PRICKLE1: variants seen among roughly 807,000 people sequenced by gnomAD.
PRICKLE1 encodes prickle planar cell polarity protein 1.
PRICKLE1 carries 14 observed loss-of-function variants against 70.2 expected under a neutral mutation model. The observed-to-expected ratio is 0.20, with a 90% CI of 0.13 to 0.31. The LOEUF (loss-of-function observed/expected upper bound fraction) is 0.31. PRICKLE1 is among the 10% of genes least tolerant of loss of function. The pLI, the probability that PRICKLE1 is intolerant of heterozygous loss-of-function variation, is 1.00. For missense variants in PRICKLE1, 821 were observed against 1,026.2 expected (o/e 0.80, Z 2.73); for synonymous variants, 357 against 379.9 (o/e 0.94, Z 0.70).
At chr12:42,467,424 AT>A (rs79405166) in intron 5 of PRICKLE1, among the ~76,000 whole-genome samples, 67,963 of 151,682 alleles carry the variant, frequency 0.45, 15,275 homozygotes, top group Admixed American at 0.46. Flanking sequence ...AGGTTCTTTC[AT>A]TTTTTTTATA....
intron 1 of PRICKLE1, among the ~76,000 whole-genome samples, chr12:42,523,247 G>A (rs371482693): frequency 2.6e-5 from 4 of 152,308 alleles, no homozygotes; most frequent in Admixed American, 6.5e-5. Context: ...GATTACAGGC[G>A]TAAGCCACCG....
chr12:42,541,308 T>G (rs932349784), intron 1 of PRICKLE1, among the ~76,000 whole-genome samples: 1 of 152,078 alleles, frequency 6.6e-6, no homozygotes. Context: ...TGTTGTTTCC[T>G]ATGCAAAAAT....
At chr12:42,585,268 C>T (rs879455523) in intron 1 of PRICKLE1, among the ~76,000 whole-genome samples, 2 of 152,156 alleles carry the variant, frequency 1.3e-5, no homozygotes, top group Non-Finnish European at 2.9e-5. Context: ...GCCTGGCTGA[C>T]ATTTTTACTT....
intron 1 of PRICKLE1, among the ~76,000 whole-genome samples, chr12:42,576,172 T>C (rs932982033): frequency 2.6e-5 from 4 of 152,232 alleles, no homozygotes; most frequent in African/African-American, 9.6e-5. Context: ...AAGCTTAACA[T>C]TAAATGGTTA....
intron 1 of PRICKLE1, among the ~76,000 whole-genome samples, chr12:42,540,974 A>G (rs1940101868): frequency 6.6e-6 from 1 of 152,192 alleles, no homozygotes; most frequent in African/African-American, 2.4e-5. Flanking sequence ...TTATGGGTAG[A>G]ATAGAGAGGT....
intron 1 of PRICKLE1, among the ~76,000 whole-genome samples, chr12:42,566,389 G>A (rs1940621206): frequency 6.6e-6 from 1 of 152,194 alleles, no homozygotes; most frequent in African/African-American, 2.4e-5. Flanking sequence ...GGTGGAGAGG[G>A]TTTGAGGATG....
At chr12:42,470,056 T>G in intron 3 of PRICKLE1, 190 bp downstream of exon 3, 3 of 587,720 alleles carry the variant, frequency 5.1e-6, no homozygotes, top group Admixed American at 2.9e-5. Flanking sequence ...GTGTTAAGTT[T>G]ATTACACTGA....
At chr12:42,578,757 T>TTATTTATTTATG (rs1198562167) in intron 1 of PRICKLE1, among the ~76,000 whole-genome samples, 36 of 151,448 alleles carry the variant, frequency 2.4e-4, no homozygotes, top group Non-Finnish European at 5.0e-4. Context: ...ATTTATTTAT[T>TTATTTATTTATG]TATTTATTTA....
chr12:42,464,354 G>T lies in PRICKLE1; in HGVS notation c.1639+41C>A. On this transcript the variant is annotated intron_variant, in intron 7 of 7. Transcript: ENST00000345127. The surrounding 1 kb of genome is among the most constrained non-coding windows in gnomAD (Gnocchi z 4.2). ...AATTTTTTGAATACACTTTTTAGTA[G>T]CTCCTTTTTTCAAATACCCCATAAT... 6.2e-7 allele frequency: 1 copy of T among 1,613,070 alleles called. No individual in the cohort carries two copies. The highest frequency in any genetic ancestry group is 8.5e-7 in the Non-Finnish European group (1 of 1,179,246).
At chr12:42,568,663 T>C (rs905273681) in intron 1 of PRICKLE1, among the ~76,000 whole-genome samples, 3 of 152,210 alleles carry the variant, frequency 2.0e-5, no homozygotes, top group African/African-American at 7.2e-5. Flanking sequence ...AAAACTATCA[T>C]AATTCAGAAG....
intron 1 of PRICKLE1, among the ~76,000 whole-genome samples, chr12:42,495,811 G>A (rs141034967): frequency 1.8e-3 from 269 of 152,022 alleles, no homozygotes; most frequent in African/African-American, 5.8e-3. Flanking sequence ...CAGGCTGGTC[G>A]CAAACTCCTG....
chr12:42,505,488 T>G (rs2140186724), intron 1 of PRICKLE1, among the ~76,000 whole-genome samples: 1 of 152,296 alleles, frequency 6.6e-6, no homozygotes, highest in African/African-American at 2.4e-5. Context: ...CAGGCTGGAG[T>G]GCAGTGGTGT....
intron 3 of PRICKLE1, 200 bp from the exon 4 acceptor site, chr12:42,469,787 T>A: frequency 3.1e-6 from 2 of 636,416 alleles, no homozygotes; most frequent in Non-Finnish European, 5.4e-6. Flanking sequence ...AAGGAATACT[T>A]TTTTTTTAAA....
At chr12:42,503,626 A>G (rs998815788) in intron 1 of PRICKLE1, among the ~76,000 whole-genome samples, 1 of 152,216 alleles carries the variant, frequency 6.6e-6, no homozygotes, top group African/African-American at 2.4e-5. Context: ...ACTTGTTCTA[A>G]GGAAAGCACT....
intron 1 of PRICKLE1, among the ~76,000 whole-genome samples, chr12:42,480,128 T>A (rs73128403): frequency 0.16 from 24,276 of 152,220 alleles, 2,129 homozygotes; most frequent in Admixed American, 0.25. Context: ...ACATTTATGA[T>A]AACTAGCAAA....
intron 2 of PRICKLE1, among the ~76,000 whole-genome samples, chr12:42,471,972 A>G (rs1938340870): frequency 6.6e-6 from 1 of 152,228 alleles, no homozygotes; most frequent in South Asian, 2.1e-4. Flanking sequence ...TCTCGCTTCC[A>G]AAGCAAAAGC....
At chr12:42,580,312 C>T (rs921017163) in intron 1 of PRICKLE1, among the ~76,000 whole-genome samples, 1 of 152,140 alleles carries the variant, frequency 6.6e-6, no homozygotes, top group Non-Finnish European at 1.5e-5. Flanking sequence ...TATTTTTCAA[C>T]AGTATATTAA....
rs1313610054 is a variant in PRICKLE1 at position 42,459,727 on chromosome 12, A to C, written c.*82T>G. ...AAAGAAAGCACTTTAAACTATTTTC[A>C]CAACTTTCCTACGGAAGAAAAGGAA... is the stretch of plus-strand genomic sequence containing the variant. On this transcript the variant is annotated 3_prime_UTR_variant, in exon 8 of 8. Coordinates refer to ENST00000345127, the MANE Select transcript of PRICKLE1 (RefSeq NM_153026.3). 1.3e-6 allele frequency: 2 copies of C among 1,547,680 alleles called. No homozygotes were observed. The highest frequency in any genetic ancestry group is 1.8e-6 in the Non-Finnish European group (2 of 1,123,260).
intron 5 of PRICKLE1, among the ~76,000 whole-genome samples, chr12:42,467,909 T>C (rs1938165863): frequency 6.6e-6 from 1 of 152,206 alleles, no homozygotes; most frequent in Non-Finnish European, 1.5e-5. Context: ...TGAAGCACCC[T>C]GGATTGATCT....
Sources: gnomAD v4.1 joint callset for allele counts (sites outside exome capture counted in the v4.1 genomes callset) on GRCh38, gnomAD v4.1.1 for gene constraint, Gnocchi (gnomAD v3.1) non-coding constraint, MANE v1.5 for transcripts, NCBI Gene and HGNC (gene_info 2026-07-23, HGNC 2026-07-21) for gene names.